Variants in LRBA observed in about 807,000 individuals in gnomAD.
The protein encoded by LRBA is lipopolysaccharide-responsive and beige-like anchor protein.
LRBA carries 176 observed loss-of-function variants against 330.0 expected under a neutral mutation model. That is an observed-to-expected ratio of 0.53 (90% confidence interval 0.47 to 0.60). The LOEUF (loss-of-function observed/expected upper bound fraction) is 0.60. Among genes scored for constraint, LRBA ranks in the 20% least tolerant of loss-of-function variants. The pLI, the probability that LRBA is intolerant of heterozygous loss-of-function variation, is 0.00. For synonymous variants in LRBA, 1,230 were observed against 1,193.0 expected, an observed-to-expected ratio of 1.03 and a Z score of -0.64; for missense variants, 3,259 against 3,444.8, an observed-to-expected ratio of 0.95 and a Z score of 1.35.
At chr4:150,656,450 G>A (rs1001430768) in intron 37 of LRBA, among the ~76,000 whole-genome samples, 1 of 152,144 alleles carries the variant, frequency 6.6e-6, no homozygotes, top group Non-Finnish European at 1.5e-5. Context: ...CCAGAGGTTA[G>A]ATAAAACCAG....
chr4:150,569,057 G>C (rs1769514481), intron 40 of LRBA, among the ~76,000 whole-genome samples: 1 of 152,126 alleles, frequency 6.6e-6, no homozygotes, highest in Admixed American at 6.6e-5. Flanking sequence ...TCAAGGGCTT[G>C]CTGTAAAAAT....
chr4:150,624,335 C>T (rs778255593), intron 37 of LRBA, among the ~76,000 whole-genome samples: 1 of 148,942 alleles, frequency 6.7e-6, no homozygotes, highest in African/African-American at 2.5e-5. Flanking sequence ...AATTGAAACC[C>T]AGGCTGGGCA....
At chr4:150,955,776 C>G (rs544346653) in intron 2 of LRBA, among the ~76,000 whole-genome samples, 3 of 147,972 alleles carry the variant, frequency 2.0e-5, no homozygotes, top group Non-Finnish European at 4.4e-5. Context: ...CCTGTAATCC[C>G]AGCTACTTGG....
intron 47 of LRBA, among the ~76,000 whole-genome samples, chr4:150,389,682 A>AG (rs1743620502): frequency 6.7e-6 from 1 of 149,908 alleles, no homozygotes; most frequent in Non-Finnish European, 1.5e-5. Context: ...GTCTCAAAAA[A>AG]AAAAAAAAAA....
At chr4:150,665,136 A>C (rs1781456043) in intron 37 of LRBA, among the ~76,000 whole-genome samples, 1 of 152,132 alleles carries the variant, frequency 6.6e-6, no homozygotes, top group Non-Finnish European at 1.5e-5. Flanking sequence ...GGATGTGTCT[A>C]ATTCCTCCAG....
chr4:150,638,656 C>A (rs1456096128), intron 37 of LRBA, among the ~76,000 whole-genome samples: 1 of 149,030 alleles, frequency 6.7e-6, no homozygotes, highest in Non-Finnish European at 1.5e-5. Flanking sequence ...CAATGAGATA[C>A]CATCTCACAC....
At chr4:150,510,967 T>C (rs1024773202) in intron 40 of LRBA, among the ~76,000 whole-genome samples, 2 of 152,190 alleles carry the variant, frequency 1.3e-5, no homozygotes, top group African/African-American at 2.4e-5. Flanking sequence ...GCGATTCTCC[T>C]GCCTCAGCCT....
chr4:150,446,948 G>A (rs964615013), intron 44 of LRBA, among the ~76,000 whole-genome samples: 9 of 151,990 alleles, frequency 5.9e-5, no homozygotes, highest in Non-Finnish European at 8.8e-5. Flanking sequence ...GGTGGGGGAG[G>A]GGGTTAAATT....
rs763175357 is a variant in LRBA at position 150,467,783 on chromosome 4, G to A, written c.6670C>T (p.Arg2224Trp). ...YLMFLNTIAGRSYNDLNQYPV... is the reference protein window; with the variant it reads ...YLMFLNTIAGWSYNDLNQYPV... ...TACTGATTTAAGTCATTATAACTCC[G>A]TCCTGATAGGGAAAAAAGTTACTCG... The change falls in exon 44 of 57, where the codon CGG (arginine) becomes TGG (tryptophan). Residue 2224 changes from arginine to tryptophan, a missense_variant and splice_region_variant. By Grantham distance (101) the Arg-to-Trp change is moderately radical. Coordinates refer to ENST00000651943, the MANE Select transcript of LRBA (RefSeq NM_001364905.1). The A allele has an allele frequency of 1.6e-5, 23 of 1,411,154 alleles. No individual in the cohort carries two copies. Among genetic ancestry groups the A allele is most frequent in the African/African-American group, 7.1e-5 (5 of 69,954 alleles). The allele number at this position is 1,411,154 out of a possible 1,614,324, so 87.4% of individuals were successfully genotyped here.
At chr4:150,304,154 T>C (rs1361075245) in intron 52 of LRBA, among the ~76,000 whole-genome samples, 2 of 152,166 alleles carry the variant, frequency 1.3e-5, no homozygotes, top group South Asian at 2.1e-4. Context: ...AGCTGAAAAT[T>C]AAATTAATAT....
At chr4:150,754,554 A>G (rs1218325225) in intron 35 of LRBA, among the ~76,000 whole-genome samples, 2 of 147,742 alleles carry the variant, frequency 1.4e-5, no homozygotes, top group African/African-American at 2.5e-5. Flanking sequence ...AGAGAGAGAG[A>G]GATAAAGTCT....
intron 46 of LRBA, among the ~76,000 whole-genome samples, chr4:150,415,841 C>T (rs773326853): frequency 6.6e-6 from 1 of 152,086 alleles, no homozygotes; most frequent in Non-Finnish European, 1.5e-5. Flanking sequence ...GTCTCATAAC[C>T]TCAAAACTCT....
chr4:150,908,714 A>C lies in LRBA; in HGVS notation c.1305T>G (p.Ser435=), dbSNP rs1461044480. Residue 435 remains serine (S), a synonymous_variant, in exon 10 of 57, where the codon TCT becomes TCG. Coordinates refer to ENST00000651943, the MANE Select transcript of LRBA (RefSeq NM_001364905.1). The part of the protein sequence containing the change: ...ATDAQLCLES[S]PKDNPSIFVH... ...CAAAAATTGAAGGGTTGTCCTTAGG[A>C]GATGATTCAAGACAAAGCTGGGCAT... The C allele has an allele frequency of 1.9e-6, 3 of 1,614,000 alleles. No homozygotes were observed. The highest frequency in any genetic ancestry group is 2.5e-6 in the Non-Finnish European group (3 of 1,179,904).
chr4:150,726,535 G>C (rs1729699377), intron 36 of LRBA, among the ~76,000 whole-genome samples: 1 of 152,148 alleles, frequency 6.6e-6, no homozygotes, highest in Non-Finnish European at 1.5e-5. Context: ...AAGGAAAGAG[G>C]TTTAATTGAC....
chr4:150,487,883 T>G, intron 41 of LRBA, 49 bp from the exon 42 acceptor site: 1 of 982,848 alleles, frequency 1.0e-6, no homozygotes. Flanking sequence ...ACTTCCTTTC[T>G]GGAAAACTGA....
intron 2 of LRBA, among the ~76,000 whole-genome samples, chr4:150,952,366 G>C (rs539876784): frequency 6.6e-6 from 1 of 152,238 alleles, no homozygotes; most frequent in South Asian, 2.1e-4. Flanking sequence ...TGTGTGTGCT[G>C]CAAGAAGGGC....
chr4:150,905,588 AATG>A (rs935501772), intron 13 of LRBA, among the ~76,000 whole-genome samples: 2 of 152,026 alleles, frequency 1.3e-5, no homozygotes, highest in Admixed American at 6.6e-5. Flanking sequence ...CTTTTAAAAT[AATG>A]ATATTGTTTA....
rs766833037 is a variant in LRBA, at chr4:150,928,581, A to C, written c.484T>G (p.Tyr162Asp). Residue 162 changes from tyrosine to aspartate, a missense_variant, in exon 4 of 57, where the codon TAT becomes GAT. Physicochemically the swap from Tyr to Asp is radical, Grantham distance 160 (BLOSUM62 -3). Coordinates refer to ENST00000651943, the MANE Select transcript of LRBA (RefSeq NM_001364905.1). ...LVDMLGVLAS[Y>D]NLTVRELKLF... ...TTTAGCTCGCGAACTGTCAAATTAT[A>C]GCTAGCCAGCACTCCCAACATGTCA... 1.2e-6 allele frequency: 2 copies of C among 1,613,808 alleles called. No homozygotes were observed.
intron 37 of LRBA, among the ~76,000 whole-genome samples, chr4:150,639,783 G>A (rs57540184): frequency 0.25 from 748 of 2,960 alleles, 102 homozygotes; most frequent in African/African-American, 0.4. Flanking sequence ...ATATATATAT[G>A]TGTGTGTGTA....
Sources: gnomAD v4.1 joint callset for allele counts (sites outside exome capture counted in the v4.1 genomes callset) on GRCh38, gnomAD v4.1.1 for gene constraint, MANE v1.5 for transcripts, NCBI Gene and HGNC (gene_info 2026-07-23, HGNC 2026-07-21) for gene names.